Variants in INIP observed in about 807,000 individuals in gnomAD.
INIP encodes SOSS complex subunit C.
In INIP, 9 loss-of-function variants were observed where a neutral mutation model predicts 14.0. The observed-to-expected ratio is 0.64, with a 90% CI of 0.39 to 1.12. INIP has a LOEUF of 1.12. Among genes scored for constraint, INIP ranks in the 50% most tolerant of loss-of-function variants. The pLI, the probability that INIP is intolerant of heterozygous loss-of-function variation, is 0.01. For missense variants in INIP, 78 were observed against 122.7 expected (o/e 0.64, Z 1.72); for synonymous variants, 37 against 41.5 (o/e 0.89, Z 0.41).
In INIP at chr9:112,706,508, A is replaced by G. The variant is rs1838473393; in HGVS notation, c.25+9953T>C. Among the ~76,000 whole-genome samples the G allele has an allele frequency of 2.0e-5, 3 of 151,172 alleles. No individual in the cohort carries two copies. The South Asian group carries it at 6.3e-4, about 32-fold the overall frequency. Reference sequence around the variant, plus strand: ...GCTTCAAGCAATCCTCCTGCCTCAGACTCCCAAAGTAGTGGGATTACAGGC... The same window carrying G: ...GCTTCAAGCAATCCTCCTGCCTCAGGCTCCCAAAGTAGTGGGATTACAGGC... On this transcript the variant is annotated intron_variant, in intron 2 of 4. Coordinates refer to ENST00000374242, the MANE Select transcript of INIP (RefSeq NM_021218.3).
chr9:112,700,719 C>T (rs1053206481), intron 2 of INIP, among the ~76,000 whole-genome samples: 11 of 151,670 alleles, frequency 7.3e-5, no homozygotes, highest in African/African-American at 2.7e-4. Context: ...TCTTGATTGG[C>T]TTGGTCAAGA....
chr9:112,690,666 G>A (rs1837852655), intron 3 of INIP, among the ~76,000 whole-genome samples: 1 of 152,216 alleles, frequency 6.6e-6, no homozygotes, highest in African/African-American at 2.4e-5. Flanking sequence ...GACCTTGATT[G>A]ATGTAAGACA....
At chr9:112,716,942 G>A (rs1265411423) in intron 1 of INIP, among the ~76,000 whole-genome samples, 1 of 147,778 alleles carries the variant, frequency 6.8e-6, no homozygotes, top group East Asian at 2.0e-4. Flanking sequence ...GCCACAGAGC[G>A]AGACAGCGAG....
intron 2 of INIP, among the ~76,000 whole-genome samples, chr9:112,705,875 A>C (rs1482238049): frequency 6.6e-6 from 1 of 152,190 alleles, no homozygotes; most frequent in East Asian, 1.9e-4. Flanking sequence ...ACCTTGTATT[A>C]CATGTAGATT....
At chr9:112,712,682 A>G (rs1361043331) in intron 2 of INIP, among the ~76,000 whole-genome samples, 1 of 152,254 alleles carries the variant, frequency 6.6e-6, no homozygotes, top group Non-Finnish European at 1.5e-5. Context: ...AAATTGAAAC[A>G]AAATGTTCAC....
rs1013502740 is a variant in INIP at position 112,718,098 on chromosome 9, C to G, written c.-168G>C. ...TCGCGGCACTACAACCTTCCCGCCCCCGCTGCGCTTCCGCCTCCTGACTGA... is the reference window on the plus strand; with the variant it reads ...TCGCGGCACTACAACCTTCCCGCCCGCGCTGCGCTTCCGCCTCCTGACTGA... On this transcript the variant is annotated 5_prime_UTR_variant, in exon 1 of 5. Coordinates refer to ENST00000374242, the MANE Select transcript of INIP (RefSeq NM_021218.3). 6.5e-6 allele frequency: 1 copy of G among 152,736 alleles called. No homozygotes were observed. Among genetic ancestry groups the G allele is most frequent in the Non-Finnish European group, 1.5e-5 (1 of 68,090 alleles). The allele number at this position is 152,736 out of a possible 1,614,324, so 9.5% of individuals were successfully genotyped here. A position where few individuals can be genotyped will look rare whatever the true frequency, so the allele number is the denominator to read the frequency against.
At chr9:112,701,443 G>A (rs574049485) in intron 2 of INIP, among the ~76,000 whole-genome samples, 46 of 152,358 alleles carry the variant, frequency 3.0e-4, no homozygotes, top group African/African-American at 1.1e-3. Flanking sequence ...AGATGGAAAG[G>A]TGTAAATACA....
At chr9:112,708,242 T>G (rs548097377) in intron 2 of INIP, among the ~76,000 whole-genome samples, 1 of 152,334 alleles carries the variant, frequency 6.6e-6, no homozygotes, top group East Asian at 1.9e-4. Context: ...CAGAGAAGGC[T>G]TTCAAAGGAA....
At position 112,684,163 on chromosome 9, in the gene INIP, A is replaced by G. The variant is rs1240371685; in HGVS notation, c.*3375T>C. 1 of 152,234 alleles carries G rather than the reference A, an allele frequency of 6.6e-6. No individual in the cohort carries two copies. The highest frequency in any genetic ancestry group is 2.4e-5 in the African/African-American group (1 of 41,452). The allele number at this position is 152,234 out of a possible 1,614,324, so 9.4% of individuals were successfully genotyped here. ...GTAGTGAACGAAGTAAAAGAGGAAGAAAGGAAAGGAGGAAGAGAAAGAAAT... is the reference window on the plus strand; with the variant it reads ...GTAGTGAACGAAGTAAAAGAGGAAGGAAGGAAAGGAGGAAGAGAAAGAAAT... On this transcript the variant is annotated 3_prime_UTR_variant, in exon 5 of 5. Coordinates refer to ENST00000374242, the MANE Select transcript of INIP (RefSeq NM_021218.3).
chr9:112,694,084 C>G, intron 3 of INIP, 47 bp downstream of exon 3: 1 of 1,302,010 alleles, frequency 7.7e-7, no homozygotes, highest in East Asian at 2.4e-5. Context: ...CAAAACAAAA[C>G]AAAACAAAAC....
chr9:112,687,486 T>A lies in INIP; in HGVS notation c.*52A>T. ...CAGTTCATGTAGCACTGAATGATAG[T>A]AGCTTTGGCATTTGATATTACAAAG... On this transcript the variant is annotated 3_prime_UTR_variant, in exon 5 of 5. Coordinates refer to ENST00000374242, the MANE Select transcript of INIP (RefSeq NM_021218.3). 1 of 1,113,810 alleles carries A rather than the reference T, an allele frequency of 9.0e-7. No homozygotes were observed. The highest frequency in any genetic ancestry group is 1.4e-6 in the Non-Finnish European group (1 of 728,388). 69.0% of individuals were successfully genotyped at this position (1,113,810 alleles called of 1,614,324 possible).
At chr9:112,689,106 C>T (rs1465404794) in intron 4 of INIP, among the ~76,000 whole-genome samples, 2 of 150,944 alleles carry the variant, frequency 1.3e-5, no homozygotes, top group African/African-American at 4.9e-5. Context: ...ATTTCCTGCA[C>T]AACAGTTGTG....
chr9:112,712,756 T>C lies in INIP; in HGVS notation c.25+3705A>G, dbSNP rs144406829. 4.9e-3 allele frequency among the ~76,000 whole-genome samples: 739 copies of C among 152,238 alleles called. 6 individuals carry two copies. Among genetic ancestry groups the C allele is most frequent in the African/African-American group, 0.017 (703 of 41,568 alleles). ...ATTAAAGTTAGAGCATTAGAAATTATCCAATCAGAAAAACACAGAAAAAAA... is the reference window on the plus strand; with the variant it reads ...ATTAAAGTTAGAGCATTAGAAATTACCCAATCAGAAAAACACAGAAAAAAA... On this transcript the variant is annotated intron_variant, in intron 2 of 4. Coordinates refer to ENST00000374242, the MANE Select transcript of INIP (RefSeq NM_021218.3).
chr9:112,696,018 G>C (rs1838079537), intron 2 of INIP, among the ~76,000 whole-genome samples: 1 of 151,996 alleles, frequency 6.6e-6, no homozygotes, highest in African/African-American at 2.4e-5. Flanking sequence ...CTCCCAAGTT[G>C]CTAAGACTAC....
chr9:112,710,211 C>T (rs761792924), intron 2 of INIP, among the ~76,000 whole-genome samples: 2 of 152,180 alleles, frequency 1.3e-5, no homozygotes, highest in African/African-American at 2.4e-5. Flanking sequence ...CCATTCTACT[C>T]CTATGCAGCA....
chr9:112,694,944 T>C (rs981871639), intron 2 of INIP, among the ~76,000 whole-genome samples: 1 of 152,208 alleles, frequency 6.6e-6, no homozygotes, highest in Non-Finnish European at 1.5e-5. Context: ...TATGGCCCAG[T>C]AGCAACTCCT....
In INIP at chr9:112,710,675, C is replaced by G. The variant is rs1028802860; in HGVS notation, c.25+5786G>C. 4.6e-5 allele frequency among the ~76,000 whole-genome samples: 7 copies of G among 152,092 alleles called. No individual in the cohort carries two copies. In the South Asian group the frequency reaches 1.5e-3, roughly 32 times the overall value. On this transcript the variant is annotated intron_variant, in intron 2 of 4. Coordinates refer to ENST00000374242, the MANE Select transcript of INIP (RefSeq NM_021218.3). ...GCTAGATCTGAAAGAGGGCTTAGTC[C>G]CCAACACAACGGAATTGTTCTCTAC... is the stretch of plus-strand genomic sequence containing the variant.
In INIP at chr9:112,685,376, T is replaced by A. The variant is rs1837624500; in HGVS notation, c.*2162A>T. ...CACGGTGACCTCCTAAAAGAGCAGG[T>A]ACCAGTCACCTTTGTGTCCCCCAAA... On this transcript the variant is annotated 3_prime_UTR_variant, in exon 5 of 5. Transcript: ENST00000374242. 6.6e-6 allele frequency: 1 copy of A among 151,980 alleles called. No individual in the cohort carries two copies. The highest frequency in any genetic ancestry group is 1.5e-5 in the Non-Finnish European group (1 of 67,994). 9.4% of individuals were successfully genotyped at this position (151,980 alleles called of 1,614,324 possible). A position where few individuals can be genotyped will look rare whatever the true frequency, so the allele number is the denominator to read the frequency against.
intron 4 of INIP, among the ~76,000 whole-genome samples, chr9:112,688,979 CTTAAA>C (rs1256153440): frequency 2.0e-5 from 3 of 152,044 alleles, no homozygotes; most frequent in African/African-American, 7.3e-5. Context: ...CTCTAGAAAT[CTTAAA>C]TTATTCAAGA....
Sources: gnomAD v4.1 joint callset for allele counts (sites outside exome capture counted in the v4.1 genomes callset) on GRCh38, gnomAD v4.1.1 for gene constraint, MANE v1.5 for transcripts, NCBI Gene and HGNC (gene_info 2026-07-23, HGNC 2026-07-21) for gene names.